The following FSTL5 variants were observed in gnomAD, a reference collection of about 807,000 sequenced individuals.
FSTL5 encodes follistatin like 5.
In FSTL5, 62 loss-of-function variants were observed where a neutral mutation model predicts 89.1. The ratio of observed to expected loss-of-function variants is 0.70; its 90% CI spans 0.57 to 0.86. The LOEUF is 0.86. Among genes scored for constraint, FSTL5 ranks in the 40% least tolerant of loss-of-function variants. The pLI, the probability that FSTL5 is intolerant of heterozygous loss-of-function variation, is 0.00. For synonymous variants in FSTL5, 383 were observed against 346.2 expected, an observed-to-expected ratio of 1.11 and a Z score of -1.18; for missense variants, 1,057 against 1,001.6, an observed-to-expected ratio of 1.06 and a Z score of -0.75.
intron 6 of FSTL5, among the ~76,000 whole-genome samples, chr4:161,670,483 T>C (rs1453212635): frequency 6.6e-6 from 1 of 152,186 alleles, no homozygotes; most frequent in Non-Finnish European, 1.5e-5. Flanking sequence ...TTACAGTCAG[T>C]CAGAGCTAAA....
At chr4:161,961,308 C>T (rs1028385705) in intron 3 of FSTL5, among the ~76,000 whole-genome samples, 7 of 151,858 alleles carry the variant, frequency 4.6e-5, no homozygotes, top group African/African-American at 1.5e-4. Flanking sequence ...GACGATGTCT[C>T]CCTAAGTTGC....
At chr4:161,798,707 C>A (rs1729706393) in intron 4 of FSTL5, among the ~76,000 whole-genome samples, 1 of 150,980 alleles carries the variant, frequency 6.6e-6, no homozygotes, top group Admixed American at 6.6e-5. Context: ...TTACTTCCAA[C>A]AATATAATCT....
chr4:161,847,066 T>C (rs1317736906), intron 4 of FSTL5, among the ~76,000 whole-genome samples: 1 of 152,172 alleles, frequency 6.6e-6, no homozygotes, highest in Non-Finnish European at 1.5e-5. Context: ...CTTAAAATGA[T>C]AGTATTTAAA....
intron 3 of FSTL5, among the ~76,000 whole-genome samples, chr4:161,977,569 C>T (rs1185408207): frequency 3.5e-5 from 5 of 142,626 alleles, no homozygotes; most frequent in South Asian, 4.4e-4. Flanking sequence ...GCCGAGATCA[C>T]GCCACTGCAC....
intron 4 of FSTL5, among the ~76,000 whole-genome samples, chr4:161,910,924 C>T (rs1733672572): frequency 6.6e-6 from 1 of 151,966 alleles, no homozygotes; most frequent in Non-Finnish European, 1.5e-5. Flanking sequence ...GAATTGACTG[C>T]TACATTTTGA....
At chr4:162,068,862 C>A (rs1009671813) in intron 2 of FSTL5, among the ~76,000 whole-genome samples, 6 of 151,996 alleles carry the variant, frequency 3.9e-5, no homozygotes, top group African/African-American at 1.4e-4. Flanking sequence ...AAACAAACAA[C>A]CCCATTAAAC....
chr4:162,025,462 T>G (rs1027128197), intron 3 of FSTL5, among the ~76,000 whole-genome samples: 2 of 152,076 alleles, frequency 1.3e-5, no homozygotes, highest in African/African-American at 4.8e-5. Context: ...TTAAGAAATC[T>G]TAAGTGGGGG....
At chr4:161,779,776 T>C (rs1174296256) in intron 4 of FSTL5, among the ~76,000 whole-genome samples, 621 of 13,934 alleles carry the variant, frequency 0.045, 32 homozygotes, top group Non-Finnish European at 0.12. Context: ...TATATATATG[T>C]ATATATATAT....
chr4:161,929,660 C>CGTGT (rs765281533), intron 3 of FSTL5, among the ~76,000 whole-genome samples: 11,287 of 126,610 alleles, frequency 0.089, 515 homozygotes, highest in East Asian at 0.2. Flanking sequence ...TAGGTAGGCA[C>CGTGT]GTGTGTGTGT....
chr4:161,556,083 A>G (rs1732379590), intron 8 of FSTL5, among the ~76,000 whole-genome samples: 1 of 151,602 alleles, frequency 6.6e-6, no homozygotes, highest in Non-Finnish European at 1.5e-5. Context: ...TCTAAATACA[A>G]TCTAGGAATA....
intron 15 of FSTL5, among the ~76,000 whole-genome samples, chr4:161,441,039 C>T (rs1184901705): frequency 6.6e-6 from 1 of 152,060 alleles, no homozygotes; most frequent in African/African-American, 2.4e-5. Context: ...CTCCAGCATT[C>T]CATTTAATAG....
chr4:161,549,314 A>T (rs1732118974), intron 8 of FSTL5, among the ~76,000 whole-genome samples: 1 of 151,766 alleles, frequency 6.6e-6, no homozygotes, highest in African/African-American at 2.4e-5. Flanking sequence ...GAATTATAAA[A>T]ATAAAGAGTT....
intron 1 of FSTL5, among the ~76,000 whole-genome samples, chr4:162,121,976 G>T (rs1313245400): frequency 1.3e-5 from 2 of 151,850 alleles, no homozygotes; most frequent in Admixed American, 6.6e-5. Context: ...TTACTTTATT[G>T]TAAGAATATA....
intron 2 of FSTL5, among the ~76,000 whole-genome samples, chr4:162,059,513 T>C (rs932806260): frequency 2.6e-5 from 4 of 152,186 alleles, no homozygotes; most frequent in Non-Finnish European, 5.9e-5. Flanking sequence ...AATATCTATT[T>C]GTGTTTATTT....
At chr4:161,616,665 A>G (rs762702718) in intron 7 of FSTL5, among the ~76,000 whole-genome samples, 1 of 152,022 alleles carries the variant, frequency 6.6e-6, no homozygotes, top group African/African-American at 2.4e-5. Context: ...TGATTAATAC[A>G]GAAGGGAATA....
At chr4:162,103,670 A>C (rs1188570806) in intron 2 of FSTL5, among the ~76,000 whole-genome samples, 2 of 152,176 alleles carry the variant, frequency 1.3e-5, no homozygotes, top group Non-Finnish European at 2.9e-5. Context: ...ATCTCCATTT[A>C]GAACAAAGGA....
At chr4:162,100,242 A>C (rs144508998) in intron 2 of FSTL5, among the ~76,000 whole-genome samples, 4 of 152,174 alleles carry the variant, frequency 2.6e-5, no homozygotes, top group Non-Finnish European at 4.4e-5. Context: ...AGCACTAAAA[A>C]TCAATGAGCT....
intron 6 of FSTL5, among the ~76,000 whole-genome samples, chr4:161,716,548 G>T (rs1172773100): frequency 6.6e-6 from 1 of 152,018 alleles, no homozygotes; most frequent in Non-Finnish European, 1.5e-5. Context: ...AGTGATCCGA[G>T]ATCATGCCAC....
intron 15 of FSTL5, among the ~76,000 whole-genome samples, chr4:161,449,803 T>C (rs919007317): frequency 6.6e-6 from 1 of 152,200 alleles, no homozygotes; most frequent in East Asian, 1.9e-4. Flanking sequence ...AGTGAGAACC[T>C]TAAAGGATTT....
Sources: allele counts gnomAD v4.1 joint callset (sites outside exome capture counted in the v4.1 genomes callset), GRCh38; gene constraint gnomAD v4.1.1; transcripts MANE v1.5; gene names NCBI Gene and HGNC (gene_info 2026-07-23, HGNC 2026-07-21).